TRANK1: variants seen among roughly 807,000 people sequenced by gnomAD.
TRANK1 encodes the protein tetratricopeptide repeat and ankyrin repeat containing 1, also known as TPR and ankyrin repeat-containing protein 1.
In TRANK1, 198 loss-of-function variants were observed where a neutral mutation model predicts 266.0. The ratio of observed to expected loss-of-function variants is 0.74; its 90% confidence interval spans 0.66 to 0.84. The LOEUF is 0.84. TRANK1 is among the 40% of genes least tolerant of loss of function. The pLI is 0.00. For synonymous variants in TRANK1, 1,396 were observed against 1,384.1 expected, an observed-to-expected ratio of 1.01 and a Z score of -0.19; for missense variants, 3,326 against 3,634.6, an observed-to-expected ratio of 0.92 and a Z score of 2.18.
rs191198344 is a variant in TRANK1, at chr3:36,879,817, T to C, written c.908-5521A>G. On this transcript the variant is annotated intron_variant, in intron 8 of 23. Coordinates refer to ENST00000645898, the MANE Select transcript of TRANK1 (RefSeq NM_001329998.2). ...ATATAAATATACAAATATATGTAAA[T>C]ATACAAATATATGTAAATATACAAA... 2.5e-4 allele frequency among the ~76,000 whole-genome samples: 28 copies of C among 112,486 alleles called. 5 individuals carry two copies. Among genetic ancestry groups the C allele is most frequent in the Non-Finnish European group, 3.7e-4 (22 of 58,766 alleles). 73.8% of individuals were successfully genotyped at this position (112,486 alleles called of 152,430 possible). A position where few individuals can be genotyped will look rare whatever the true frequency, so the allele number is the denominator to read the frequency against.
chr3:36,832,026 A>C lies in TRANK1; in HGVS notation c.7557T>G (p.Ile2519Met). 6.2e-7 allele frequency: 1 copy of C among 1,614,022 alleles called. No homozygotes were observed. The highest frequency in any genetic ancestry group is 8.5e-7 in the Non-Finnish European group (1 of 1,179,892). Residue 2519 changes from isoleucine (I) to methionine (M), a missense_variant, in exon 22 of 24, where the codon ATT becomes ATG. Coordinates refer to ENST00000645898, the MANE Select transcript of TRANK1 (RefSeq NM_001329998.2). ...AGGAGAGATGGAACCGGAAATCCTG[A>C]ATGGCTCTTGTCACGTCCTTGGGTT... Reference protein sequence around the residue: ...EYKPKDVTRAIQDFRFHLSYL... With the variant: ...EYKPKDVTRAMQDFRFHLSYL...
intron 15 of TRANK1, chr3:36,850,527 G>A (rs541749090): frequency 7.4e-5 from 73 of 983,140 alleles, no homozygotes; most frequent in South Asian, 9.4e-5. Context: ...TCAGCACTTC[G>A]GGAGGCCAAG....
chr3:36,874,347 G>T, intron 8 of TRANK1, 51 bp from the exon 9 acceptor site: 1 of 1,519,934 alleles, frequency 6.6e-7, no homozygotes, highest in South Asian at 1.2e-5. Context: ...CCTTCCATAA[G>T]ATGTCCCCAT....
At chr3:36,914,720 C>A (rs1031531958) in intron 1 of TRANK1, among the ~76,000 whole-genome samples, 2 of 151,802 alleles carry the variant, frequency 1.3e-5, no homozygotes, top group Admixed American at 1.3e-4. Flanking sequence ...TCACTGCAAC[C>A]TCTGCCTCGT....
At chr3:36,889,185 A>G (rs533640762) in intron 8 of TRANK1, among the ~76,000 whole-genome samples, 1 of 152,178 alleles carries the variant, frequency 6.6e-6, no homozygotes, top group Non-Finnish European at 1.5e-5. Context: ...ACAGAGGCTG[A>G]GAGTCCACTG....
chr3:36,886,498 T>C (rs983161742), intron 8 of TRANK1, among the ~76,000 whole-genome samples: 4 of 152,222 alleles, frequency 2.6e-5, no homozygotes, highest in Non-Finnish European at 4.4e-5. Flanking sequence ...ATTGTTATTC[T>C]AAGCCACATA....
At chr3:36,932,366 T>C (rs1201191939) in intron 1 of TRANK1, among the ~76,000 whole-genome samples, 1 of 151,816 alleles carries the variant, frequency 6.6e-6, no homozygotes, top group Non-Finnish European at 1.5e-5. Flanking sequence ...AGATCAGGAG[T>C]TCGAGACCAG....
chr3:36,943,712 C>G (rs2080530059), intron 1 of TRANK1, among the ~76,000 whole-genome samples: 2 of 151,806 alleles, frequency 1.3e-5, no homozygotes, highest in East Asian at 1.9e-4. Context: ...ATCCTGGAAC[C>G]CAAAACGCTC....
At chr3:36,909,611 G>A (rs2080023233) in intron 1 of TRANK1, among the ~76,000 whole-genome samples, 1 of 152,266 alleles carries the variant, frequency 6.6e-6, no homozygotes, top group East Asian at 1.9e-4. Flanking sequence ...TTTCTTAGGT[G>A]TCTTGATGAC....
At chr3:36,849,374 T>C (rs1381860842) in intron 15 of TRANK1, among the ~76,000 whole-genome samples, 9 of 152,188 alleles carry the variant, frequency 5.9e-5, no homozygotes, top group South Asian at 2.1e-4. Flanking sequence ...CAAAAAGCTT[T>C]GGGGTAGCCA....
intron 1 of TRANK1, among the ~76,000 whole-genome samples, chr3:36,924,531 T>G (rs961744177): frequency 1.3e-5 from 2 of 152,226 alleles, no homozygotes; most frequent in African/African-American, 2.4e-5. Context: ...AATTTTCTTG[T>G]GTAACACAGC....
chr3:36,834,570 T>C, intron 21 of TRANK1, 192 bp downstream of exon 21: 2 of 574,612 alleles, frequency 3.5e-6, no homozygotes, highest in East Asian at 6.1e-5. Context: ...TCAAAGCTTA[T>C]AAAGAGACTG....
intron 18 of TRANK1, among the ~76,000 whole-genome samples, chr3:36,841,675 G>C (rs1240681364): frequency 1.3e-5 from 2 of 152,154 alleles, no homozygotes; most frequent in African/African-American, 4.8e-5. Context: ...AAAAAATAGA[G>C]AGATCAATGA....
At chr3:36,883,237 T>C (rs1163113528) in intron 8 of TRANK1, among the ~76,000 whole-genome samples, 4 of 151,850 alleles carry the variant, frequency 2.6e-5, no homozygotes, top group East Asian at 3.9e-4. Flanking sequence ...GCCCAGGAGT[T>C]TGAGACCAAC....
chr3:36,899,096 A>G lies in TRANK1; in HGVS notation c.433+13T>C. 6.5e-7 allele frequency: 1 copy of G among 1,536,934 alleles called. No homozygotes were observed. The highest frequency in any genetic ancestry group is 8.7e-7 in the Non-Finnish European group (1 of 1,146,780). On this transcript the variant is annotated intron_variant, in intron 4 of 23. Coordinates refer to ENST00000645898, the MANE Select transcript of TRANK1 (RefSeq NM_001329998.2). ...CAAGGACTTTACAAAAAGTCTCCCCAGTTCCAACTTACTGCTCATAGTGGT... is the reference window on the plus strand; with the variant it reads ...CAAGGACTTTACAAAAAGTCTCCCCGGTTCCAACTTACTGCTCATAGTGGT...
intron 8 of TRANK1, among the ~76,000 whole-genome samples, chr3:36,882,273 TG>T (rs2079542682): frequency 1.3e-5 from 2 of 152,334 alleles, no homozygotes; most frequent in South Asian, 4.1e-4. Flanking sequence ...TTAGTCATCC[TG>T]GTGGGTATAA....
chr3:36,906,542 T>C (rs2079970960), intron 2 of TRANK1, among the ~76,000 whole-genome samples: 1 of 152,206 alleles, frequency 6.6e-6, no homozygotes, highest in Admixed American at 6.5e-5. Flanking sequence ...TTTAAGGATT[T>C]TAGGAATAGG....
chr3:36,836,372 A>G (rs1300584591), intron 20 of TRANK1, among the ~76,000 whole-genome samples: 1 of 152,238 alleles, frequency 6.6e-6, no homozygotes, highest in Admixed American at 6.5e-5. Context: ...AATGCAGTCA[A>G]TGCCCACTCA....
rs1401347478 is a variant in TRANK1 at position 36,833,169 on chromosome 3, T to G, written c.6414A>C (p.Leu2138Phe). 6.2e-7 allele frequency: 1 copy of G among 1,613,754 alleles called. No homozygotes were observed. The highest frequency in any genetic ancestry group is 1.1e-5 in the South Asian group (1 of 91,034). ...QIAQNDPGPI[L>F]RIIFDLDLNL... ...TCAAATCCAGGTCAAAAATTATTCT[T>G]AATATGGGCCCAGGGTCATTCTGAG... The change falls in exon 22 of 24, where the codon TTA (leucine) becomes TTC (phenylalanine). Residue 2138 changes from leucine to phenylalanine, a missense_variant. Physicochemically the swap from Leu to Phe is conservative, Grantham distance 22 (BLOSUM62 0). Transcript: ENST00000645898.
Sources: gnomAD v4.1 joint callset for allele counts (sites outside exome capture counted in the v4.1 genomes callset) on GRCh38, gnomAD v4.1.1 for gene constraint, MANE v1.5 for transcripts, NCBI Gene and HGNC (gene_info 2026-07-23, HGNC 2026-07-21) for gene names.